BCAS1: variants seen among roughly 807,000 people sequenced by gnomAD.
BCAS1 encodes the protein brain enriched myelin associated protein 1.
A neutral mutation model predicts 65.4 loss-of-function variants in BCAS1; 46 were observed. That is an observed-to-expected ratio of 0.70 (90% CI 0.55 to 0.90). The LOEUF is 0.90. Ranked by LOEUF, BCAS1 falls within the 40% of genes least tolerant of loss-of-function variation. BCAS1 has a pLI of 0.00. For synonymous variants in BCAS1, 298 were observed against 293.5 expected, an observed-to-expected ratio of 1.02 and a Z score of -0.16; for missense variants, 793 against 771.2, an observed-to-expected ratio of 1.03 and a Z score of -0.33.
intron 4 of BCAS1, among the ~76,000 whole-genome samples, chr20:54,027,371 A>G (rs1281044686): frequency 6.6e-6 from 1 of 152,244 alleles, no homozygotes; most frequent in East Asian, 1.9e-4. Flanking sequence ...TAATTTACGT[A>G]CAGTGCTCAG....
chr20:54,026,671 C>G (rs1356369946), intron 4 of BCAS1, among the ~76,000 whole-genome samples: 1 of 152,222 alleles, frequency 6.6e-6, no homozygotes, highest in African/African-American at 2.4e-5. Context: ...AAGCCTATGA[C>G]CAATAATGAG....
chr20:53,957,734 C>T (rs1049335791), intron 10 of BCAS1, among the ~76,000 whole-genome samples: 80 of 152,132 alleles, frequency 5.3e-4, no homozygotes, highest in Admixed American at 5.2e-3. Context: ...GTACTAAATC[C>T]TGGAATTAGG....
chr20:53,945,056 A>G, intron 12 of BCAS1, 60 bp from the exon 13 acceptor site: 2 of 1,363,174 alleles, frequency 1.5e-6, no homozygotes, highest in Non-Finnish European at 2.1e-6. Flanking sequence ...AACAGCAACA[A>G]TGGCCATTTA....
At chr20:53,970,203 GC>G (rs1354155313) in intron 9 of BCAS1, among the ~76,000 whole-genome samples, 1 of 152,160 alleles carries the variant, frequency 6.6e-6, no homozygotes, top group Non-Finnish European at 1.5e-5. Flanking sequence ...CCCTTGCTGA[GC>G]CTTTCCAAAT....
intron 4 of BCAS1, among the ~76,000 whole-genome samples, chr20:54,002,517 G>A (rs1045095619): frequency 2.0e-5 from 3 of 152,142 alleles, no homozygotes; most frequent in East Asian, 3.9e-4. Context: ...AGGTGAGTTC[G>A]TTTTTGGTGA....
chr20:53,996,461 T>TAAAAAAAAA (rs143929524), intron 4 of BCAS1, among the ~76,000 whole-genome samples: 6 of 92,174 alleles, frequency 6.5e-5, no homozygotes, highest in Admixed American at 1.3e-4. Context: ...TTATATCAAC[T>TAAAAAAAAA]AAAAAAAAAA....
chr20:54,004,546 T>C (rs187197217), intron 4 of BCAS1, among the ~76,000 whole-genome samples: 3 of 152,164 alleles, frequency 2.0e-5, no homozygotes, highest in Non-Finnish European at 2.9e-5. Flanking sequence ...AGATGAGTCA[T>C]TATGAAAGTG....
chr20:54,043,152 C>T (rs1280623896), intron 3 of BCAS1, among the ~76,000 whole-genome samples: 1 of 152,228 alleles, frequency 6.6e-6, no homozygotes, highest in Non-Finnish European at 1.5e-5. Context: ...CCACTGGTAA[C>T]ATCCCACCAC....
At chr20:54,045,617 A>T (rs1176511460) in intron 3 of BCAS1, among the ~76,000 whole-genome samples, 1 of 152,256 alleles carries the variant, frequency 6.6e-6, no homozygotes, top group Non-Finnish European at 1.5e-5. Flanking sequence ...GTAAATGCCT[A>T]TGCTAAAGAA....
chr20:54,046,176 A>G (rs902974217), intron 3 of BCAS1, among the ~76,000 whole-genome samples: 2 of 152,244 alleles, frequency 1.3e-5, no homozygotes, highest in Admixed American at 1.3e-4. Context: ...ATGGCTGTGT[A>G]ACAAGCATCC....
At chr20:53,969,452 C>T (rs867946681) in intron 9 of BCAS1, among the ~76,000 whole-genome samples, 4 of 151,816 alleles carry the variant, frequency 2.6e-5, no homozygotes, top group South Asian at 2.1e-4. Context: ...CAAGATAGTT[C>T]GACAGCTTAG....
chr20:53,952,260 A>G (rs1339585440), intron 12 of BCAS1, among the ~76,000 whole-genome samples: 1 of 152,250 alleles, frequency 6.6e-6, no homozygotes, highest in Non-Finnish European at 1.5e-5. Flanking sequence ...CTGTTTATGC[A>G]GTCCTATTTC....
chr20:53,948,776 C>T (rs1187950838), intron 12 of BCAS1, among the ~76,000 whole-genome samples: 1 of 152,208 alleles, frequency 6.6e-6, no homozygotes, highest in Admixed American at 6.5e-5. Context: ...GATGCAGAAA[C>T]TGAGGCTCCA....
intron 8 of BCAS1, among the ~76,000 whole-genome samples, chr20:53,983,453 A>C (rs2090532881): frequency 6.6e-6 from 1 of 152,166 alleles, no homozygotes; most frequent in South Asian, 2.1e-4. Flanking sequence ...ACAAACTGAG[A>C]CTCAAAGTCA....
chr20:54,001,954 G>C (rs377329987), intron 4 of BCAS1, among the ~76,000 whole-genome samples: 4 of 152,002 alleles, frequency 2.6e-5, no homozygotes, highest in African/African-American at 9.7e-5. Flanking sequence ...TCTACCCAGT[G>C]CCTTATTAAT....
rs2145776862 is a variant in BCAS1, at chr20:53,985,400, A to G, written c.1162T>C (p.Cys388Arg). ...TQGAGKNSKG[C>R]NPSGHTQSVT... ...GACTGTGTGTGCCCCGATGGGTTGC[A>G]TCCTTTGGAATTCTTGCCAGCCCCT... Residue 388 changes from cysteine to arginine, a missense_variant, in exon 8 of 13, where the codon TGC (cysteine) becomes CGC (arginine). Transcript: ENST00000688948. The G allele has an allele frequency of 6.2e-7, 1 of 1,614,028 alleles. No individual in the cohort carries two copies. Among genetic ancestry groups the G allele is most frequent in the East Asian group, 2.2e-5 (1 of 44,876 alleles).
chr20:53,959,759 G>A (rs2089818220), intron 10 of BCAS1, among the ~76,000 whole-genome samples: 1 of 152,132 alleles, frequency 6.6e-6, no homozygotes, highest in African/African-American at 2.4e-5. Flanking sequence ...CATCATTGGT[G>A]CAGGTTTCAC....
intron 4 of BCAS1, among the ~76,000 whole-genome samples, chr20:54,000,968 C>T (rs76550150): frequency 0.012 from 1,846 of 152,272 alleles, 44 homozygotes; most frequent in African/African-American, 0.043. Flanking sequence ...GATTTCTCTT[C>T]ACATCATGAG....
chr20:54,021,050 T>C (rs945234321), intron 4 of BCAS1, among the ~76,000 whole-genome samples: 6 of 152,136 alleles, frequency 3.9e-5, no homozygotes, highest in Non-Finnish European at 7.4e-5. Context: ...TTCCAGACAA[T>C]GTTAGGTAGA....
Sources: gnomAD v4.1 joint callset for allele counts (sites outside exome capture counted in the v4.1 genomes callset) on GRCh38, gnomAD v4.1.1 for gene constraint, MANE v1.5 for transcripts, NCBI Gene and HGNC (gene_info 2026-07-23, HGNC 2026-07-21) for gene names.